The following MAP4K5 variants were observed in gnomAD, a reference collection of about 807,000 sequenced individuals.
The protein encoded by MAP4K5 is mitogen-activated protein kinase kinase kinase kinase 5, also known as MAPK/ERK kinase kinase kinase 5.
A neutral mutation model predicts 135.6 loss-of-function variants in MAP4K5; 82 were observed. That is an observed-to-expected ratio of 0.60 (90% confidence interval 0.51 to 0.73). The LOEUF (loss-of-function observed/expected upper bound fraction) is 0.73, where lower values mean the gene tolerates loss of function less well. Among genes scored for constraint, MAP4K5 ranks in the 30% least tolerant of loss-of-function variants. MAP4K5 has a pLI of 0.00. For missense variants in MAP4K5, 907 were observed against 1,010.9 expected (o/e 0.90, Z 1.39); for synonymous variants, 347 against 335.0 (o/e 1.04, Z -0.39).
intron 1 of MAP4K5, among the ~76,000 whole-genome samples, chr14:50,554,733 T>C (rs556818337): frequency 6.6e-6 from 1 of 152,244 alleles, no homozygotes; most frequent in African/African-American, 2.4e-5. Context: ...AGATGGGAGG[T>C]GGCATGGATC....
At chr14:50,448,655 T>G in intron 15 of MAP4K5, 119 bp downstream of exon 15, 1 of 577,518 alleles carries the variant, frequency 1.7e-6, no homozygotes, top group Non-Finnish European at 2.9e-6. Context: ...CGGGAAAAAT[T>G]GTCAAAATTA....
chr14:50,436,150 T>C (rs2036087108), intron 26 of MAP4K5, among the ~76,000 whole-genome samples: 1 of 152,176 alleles, frequency 6.6e-6, no homozygotes, highest in South Asian at 2.1e-4. Flanking sequence ...AGATCTGAAG[T>C]CATTGAACCT....
chr14:50,479,685 T>A (rs1392543745), intron 6 of MAP4K5, among the ~76,000 whole-genome samples: 1 of 152,198 alleles, frequency 6.6e-6, no homozygotes, highest in Non-Finnish European at 1.5e-5. Flanking sequence ...TTACTGATTT[T>A]CATCTTATTT....
At chr14:50,494,433 T>G (rs1240452789) in intron 3 of MAP4K5, among the ~76,000 whole-genome samples, 3 of 152,144 alleles carry the variant, frequency 2.0e-5, no homozygotes, top group Admixed American at 6.5e-5. Context: ...CCCAAAGTGC[T>G]GGGATTACAA....
At chr14:50,536,979 G>A (rs894046204), upstream of MAP4K5, among the ~76,000 whole-genome samples, 1 of 152,260 alleles carries the variant, frequency 6.6e-6, no homozygotes, top group African/African-American at 2.4e-5. Flanking sequence ...GCAGGCTGCA[G>A]AAATTTGCAT....
chr14:50,557,242 T>A (rs1359105173), intron 1 of MAP4K5, among the ~76,000 whole-genome samples: 1 of 152,214 alleles, frequency 6.6e-6, no homozygotes, highest in Non-Finnish European at 1.5e-5. Context: ...CTCAGAGTTA[T>A]ATAAAAGCAT....
At chr14:50,463,815 G>T (rs1181008577) in intron 12 of MAP4K5, among the ~76,000 whole-genome samples, 3 of 149,088 alleles carry the variant, frequency 2.0e-5, no homozygotes, top group African/African-American at 7.4e-5. Context: ...ATCCCAGGGG[G>T]TGGGGGTGGA....
At chr14:50,552,797 A>G (rs1241920931) in intron 1 of MAP4K5, among the ~76,000 whole-genome samples, 1 of 152,224 alleles carries the variant, frequency 6.6e-6, no homozygotes, top group Non-Finnish European at 1.5e-5. Context: ...GTGCTGGGAT[A>G]ACTGGCAAGC....
intron 14 of MAP4K5, among the ~76,000 whole-genome samples, chr14:50,451,297 G>T (rs572924449): frequency 6.6e-6 from 1 of 152,260 alleles, no homozygotes. Flanking sequence ...GAAGAAGAGT[G>T]TAGTGGGAGT....
At chr14:50,536,701 G>A (rs1397755545), upstream of MAP4K5, among the ~76,000 whole-genome samples, 26 of 152,194 alleles carry the variant, frequency 1.7e-4, no homozygotes, top group Non-Finnish European at 4.4e-5. Context: ...TGTTGGAACT[G>A]GAGCAAAGGT....
chr14:50,539,213 A>T (rs1475354766), intron 2 of MAP4K5, among the ~76,000 whole-genome samples: 1 of 152,252 alleles, frequency 6.6e-6, no homozygotes, highest in Non-Finnish European at 1.5e-5. Flanking sequence ...ACAATTACTC[A>T]AACTATCAGC....
intron 2 of MAP4K5, among the ~76,000 whole-genome samples, chr14:50,527,437 T>C (rs932292874): frequency 7.3e-5 from 11 of 151,608 alleles, no homozygotes; most frequent in African/African-American, 2.4e-4. Context: ...TGTACTTTTG[T>C]AGAATATTTA....
rs2035665109 is a variant in MAP4K5, at chr14:50,419,012, T to G, written c.*1007A>C. The stretch of plus-strand genomic sequence containing the variant: ...CTTCAACCTACTCAAAATGAATACC[T>G]ACATATGTGAAAAACCCAAGATTAC... On this transcript the variant is annotated 3_prime_UTR_variant, in exon 33 of 33. Coordinates refer to ENST00000682126, the MANE Select transcript of MAP4K5 (RefSeq NM_006575.6). 1 of 152,170 alleles carries G rather than the reference T, an allele frequency of 6.6e-6. No individual in the cohort carries two copies. Among genetic ancestry groups the G allele is most frequent in the Non-Finnish European group, 1.5e-5 (1 of 67,984 alleles). 9.4% of individuals were successfully genotyped at this position (152,170 alleles called of 1,614,324 possible).
At chr14:50,490,454 T>C (rs2139954350) in intron 3 of MAP4K5, among the ~76,000 whole-genome samples, 1 of 152,312 alleles carries the variant, frequency 6.6e-6, no homozygotes, top group Non-Finnish European at 1.5e-5. Context: ...ACCACTGTAT[T>C]ACTGTTTAAA....
chr14:50,446,196 T>C (rs1325694926), intron 16 of MAP4K5, 75 bp from the exon 17 acceptor site: 7 of 869,070 alleles, frequency 8.1e-6, no homozygotes, highest in Non-Finnish European at 1.1e-5. Context: ...ATTAAATATG[T>C]ATTAAAATCA....
In MAP4K5 at chr14:50,442,809, G is replaced by A; in HGVS notation, c.1487C>T (p.Ala496Val). ...GCCATCAAAAACTTTTGAAAAGCAT[G>A]CTCCCATCTTATTTATAAAGAAAGA... ...LPPTPKVLMGACFSKVFDGCP... is the reference protein window; with the variant it reads ...LPPTPKVLMGVCFSKVFDGCP... The change falls in exon 21 of 33, where the codon GCA becomes GTA. Residue 496 changes from alanine to valine, a missense_variant. Ala to Val is a moderately conservative substitution (Grantham distance 64). Around this residue, in one of 3 missense-constraint regions of MAP4K5, gnomAD observed 690 missense variants for 777.4 expected, o/e 0.89. Coordinates refer to ENST00000682126, the MANE Select transcript of MAP4K5 (RefSeq NM_006575.6). 6.4e-7 allele frequency: 1 copy of A among 1,566,360 alleles called. No homozygotes were observed. Among genetic ancestry groups the A allele is most frequent in the Non-Finnish European group, 8.7e-7 (1 of 1,151,512 alleles).
At chr14:50,467,525 G>T (rs1329286842) in intron 10 of MAP4K5, among the ~76,000 whole-genome samples, 1 of 150,626 alleles carries the variant, frequency 6.6e-6, no homozygotes, top group African/African-American at 2.4e-5. Context: ...ATTTTGCTTT[G>T]GTTCATACAT....
Position 50,426,038 on chromosome 14 carries a change from T to C in MAP4K5, c.2327-61A>G, listed in dbSNP as rs1227726259. On this transcript the variant is annotated intron_variant, in intron 30 of 32. Transcript: ENST00000682126. ...AGCACAGAGCATTTCACTATAAATT[T>C]TCTCTACTTTTAATAAATAATATAA... The C allele has an allele frequency of 4.7e-6, 5 of 1,056,848 alleles. No individual in the cohort carries two copies. The African/African-American group carries it at 7.9e-5, about 17-fold the overall frequency. 65.5% of individuals were successfully genotyped at this position (1,056,848 alleles called of 1,614,324 possible). A position where few individuals can be genotyped will look rare whatever the true frequency, so the allele number is the denominator to read the frequency against.
intron 14 of MAP4K5, chr14:50,449,061 G>T: frequency 2.3e-6 from 1 of 441,240 alleles, no homozygotes; most frequent in Non-Finnish European, 4.0e-6. Context: ...TTTGGAATCA[G>T]GAAATTAAAC....
Sources: allele counts gnomAD v4.1 joint callset (sites outside exome capture counted in the v4.1 genomes callset), GRCh38; gene constraint gnomAD v4.1.1; regional missense constraint gnomAD v4.1.1; transcripts MANE v1.5; gene names NCBI Gene and HGNC (gene_info 2026-07-23, HGNC 2026-07-21).